STOX2: variants seen among roughly 807,000 people sequenced by gnomAD.
The protein encoded by STOX2 is storkhead box 2.
Under a neutral mutation model 60.9 loss-of-function variants are expected in STOX2, and 28 were observed. The ratio of observed to expected loss-of-function variants is 0.46; its 90% CI spans 0.34 to 0.63. The LOEUF is 0.63. STOX2 is among the 30% of genes least tolerant of loss of function. The probability of loss-of-function intolerance (pLI) is 0.01; values close to 1 mark genes in which losing one functional copy is unlikely to be tolerated. For missense variants in STOX2, 1,024 were observed against 1,187.7 expected (o/e 0.86, Z 2.03); for synonymous variants, 472 against 463.9 (o/e 1.02, Z -0.22).
chr4:183,810,817 A>G (rs1479793795), intron 1 of STOX2, among the ~76,000 whole-genome samples: 2 of 151,634 alleles, frequency 1.3e-5, no homozygotes, highest in Non-Finnish European at 1.5e-5. Flanking sequence ...CCCAGCCTCC[A>G]GAACCATAAG....
chr4:183,833,123 C>T (rs868280889), intron 1 of STOX2, among the ~76,000 whole-genome samples: 30 of 152,364 alleles, frequency 2.0e-4, no homozygotes, highest in Middle Eastern at 3.4e-3. Flanking sequence ...CATTGATACA[C>T]TCAGTTCTTA....
chr4:183,854,256 T>C (rs1417504459), intron 1 of STOX2, among the ~76,000 whole-genome samples: 1 of 152,252 alleles, frequency 6.6e-6, no homozygotes. Flanking sequence ...TCTATTATTC[T>C]TGAGAAGGTA....
intron 1 of STOX2, among the ~76,000 whole-genome samples, chr4:183,826,718 A>C (rs192495434): frequency 2.0e-5 from 3 of 152,302 alleles, no homozygotes; most frequent in African/African-American, 7.2e-5. Context: ...CTTAAGTGGG[A>C]GAATACACAG....
Position 184,001,486 on chromosome 4 carries a change from G to A in STOX2, c.319+9G>A. On this transcript the variant is annotated intron_variant, in intron 2 of 3. Coordinates refer to ENST00000308497, the MANE Select transcript of STOX2 (RefSeq NM_020225.3). This position sits in a 1 kb window ranked among gnomAD's most constrained non-coding sequence, Gnocchi z 4.2. ...GACCACGTGCTTCCCAGGTAACGAG[G>A]CGGGAACGTAGCACTTTCCAGGTGG... The A allele has an allele frequency of 6.2e-7, 1 of 1,613,268 alleles. No homozygotes were observed. The highest frequency in any genetic ancestry group is 1.1e-5 in the South Asian group (1 of 90,998).
rs1022979856 is a variant in STOX2, at chr4:183,883,029, G to A, written c.364+84974G>A. 2.0e-5 allele frequency among the ~76,000 whole-genome samples: 3 copies of A among 151,146 alleles called. No homozygotes were observed. The South Asian group carries it at 6.2e-4, about 31-fold the overall frequency. Reference sequence around the variant, plus strand: ...GTTGCTTTTTTTTTCTTTTTATCACGTACAATTTCTAAAATACACAAAAGT... The same window carrying A: ...GTTGCTTTTTTTTTCTTTTTATCACATACAATTTCTAAAATACACAAAAGT... On this transcript the variant is annotated intron_variant, in intron 1 of 2. Coordinates refer to the STOX2 transcript ENST00000513034.
chr4:183,920,693 T>C (rs1742076413), intron 1 of STOX2, among the ~76,000 whole-genome samples: 1 of 152,198 alleles, frequency 6.6e-6, no homozygotes, highest in South Asian at 2.1e-4. Context: ...ATTTGCTGAG[T>C]GTTTCCCTGC....
rs187971646 is a variant in STOX2, at chr4:183,845,688, G to A, written c.364+47633G>A. On this transcript the variant is annotated intron_variant, in intron 1 of 2. Transcript: ENST00000513034. Reference sequence around the variant, plus strand: ...GGGACCATCCACCATTCAATGCTTTGGGAATGCAATCTCTCATTCTGCTGC... The same window carrying A: ...GGGACCATCCACCATTCAATGCTTTAGGAATGCAATCTCTCATTCTGCTGC... Among the ~76,000 whole-genome samples, 10 of 152,268 alleles carry A rather than the reference G, an allele frequency of 6.6e-5. No homozygotes were observed. The East Asian group carries it at 1.9e-3, about 29-fold the overall frequency.
At chr4:183,839,279 CACAGAG>C (rs1739790440) in intron 1 of STOX2, among the ~76,000 whole-genome samples, 1 of 152,124 alleles carries the variant, frequency 6.6e-6, no homozygotes, top group African/African-American at 2.4e-5. Context: ...CTGAAAGAGT[CACAGAG>C]ACATCTAGAC....
chr4:183,860,199 G>A (rs1404593586), intron 1 of STOX2, among the ~76,000 whole-genome samples: 1 of 151,924 alleles, frequency 6.6e-6, no homozygotes, highest in Non-Finnish European at 1.5e-5. Context: ...AATGATTTAA[G>A]CTTCACAAAT....
Position 184,011,751 on chromosome 4 carries a change from T to A in STOX2, c.2585+328T>A. ...CCCATGCTAAGAGAAGGATGTTTTTTAAGTCCTTCAAAAATAGTAACTTTT... is the reference window on the plus strand; with the variant it reads ...CCCATGCTAAGAGAAGGATGTTTTTAAAGTCCTTCAAAAATAGTAACTTTT... On this transcript the variant is annotated intron_variant, in intron 3 of 3. Coordinates refer to ENST00000308497, the MANE Select transcript of STOX2 (RefSeq NM_020225.3). The surrounding 1 kb of genome is among the most constrained non-coding windows in gnomAD (Gnocchi z 4.4). 1.3e-6 allele frequency: 1 copy of A among 744,728 alleles called. No individual in the cohort carries two copies. Among genetic ancestry groups the A allele is most frequent in the Non-Finnish European group, 1.9e-6 (1 of 529,090 alleles). 46.1% of individuals were successfully genotyped at this position (744,728 alleles called of 1,614,324 possible).
intron 1 of STOX2, among the ~76,000 whole-genome samples, chr4:183,808,550 T>C (rs1738962933): frequency 6.6e-6 from 1 of 152,224 alleles, no homozygotes; most frequent in Non-Finnish European, 1.5e-5. Flanking sequence ...GGAAAGTCTT[T>C]AATCGTTAGT....
intron 1 of STOX2, among the ~76,000 whole-genome samples, chr4:183,890,113 C>G (rs955848078): frequency 1.3e-5 from 2 of 152,138 alleles, no homozygotes; most frequent in African/African-American, 2.4e-5. Flanking sequence ...TACCATTAAG[C>G]TAGCAACTCA....
rs747818978 is a variant in STOX2 at position 183,856,392 on chromosome 4, C to A, written c.364+58337C>A. 6.6e-6 allele frequency among the ~76,000 whole-genome samples: 1 copy of A among 152,178 alleles called. No homozygotes were observed. The highest frequency in any genetic ancestry group is 1.5e-5 in the Non-Finnish European group (1 of 68,034). The stretch of plus-strand genomic sequence containing the variant: ...CACAAACAGTTGCAAAGTGAACACT[C>A]GGATGAGTAGTTTTCAGCATTAAAC... On this transcript the variant is annotated intron_variant, in intron 1 of 2. Coordinates refer to the STOX2 transcript ENST00000513034. The surrounding 1 kb of genome is among the most constrained non-coding windows in gnomAD (Gnocchi z 4.0).
intron 1 of STOX2, among the ~76,000 whole-genome samples, chr4:183,837,328 C>A (rs1032482844): frequency 2.0e-5 from 3 of 152,188 alleles, no homozygotes; most frequent in Non-Finnish European, 4.4e-5. Flanking sequence ...CTCCCATCCC[C>A]TGGCACCCTT....
chr4:183,980,221 G>A (rs1355751167), intron 1 of STOX2, among the ~76,000 whole-genome samples: 1 of 152,186 alleles, frequency 6.6e-6, no homozygotes, highest in African/African-American at 2.4e-5. Flanking sequence ...ATAGGGAGGT[G>A]ATACTGAGGA....
intron 1 of STOX2, among the ~76,000 whole-genome samples, chr4:183,908,362 C>T (rs543084621): frequency 5.3e-5 from 8 of 152,324 alleles, no homozygotes; most frequent in African/African-American, 1.4e-4. Flanking sequence ...AACCTCAAAA[C>T]ACATATGTAC....
intron 1 of STOX2, among the ~76,000 whole-genome samples, chr4:183,968,440 T>A (rs1387749540): frequency 6.6e-6 from 1 of 152,048 alleles, no homozygotes; most frequent in African/African-American, 2.4e-5. Flanking sequence ...ATGAGAAATT[T>A]TCTTTGTTGT....
intron 1 of STOX2, among the ~76,000 whole-genome samples, chr4:183,933,594 G>A (rs1254253428): frequency 1.3e-5 from 2 of 152,106 alleles, no homozygotes; most frequent in Non-Finnish European, 2.9e-5. Flanking sequence ...TCGCCATGTT[G>A]GCCGGGCTGG....
intron 2 of STOX2, among the ~76,000 whole-genome samples, chr4:184,006,386 C>T (rs28609985): frequency 0.036 from 5,406 of 152,036 alleles, 301 homozygotes; most frequent in African/African-American, 0.12. Flanking sequence ...CCTGAGACTG[C>T]GGTGCAGAGG....
Sources: allele counts gnomAD v4.1 joint callset (sites outside exome capture counted in the v4.1 genomes callset), GRCh38; gene constraint gnomAD v4.1.1; non-coding constraint Gnocchi (gnomAD v3.1); transcripts MANE v1.5; gene names NCBI Gene and HGNC (gene_info 2026-07-23, HGNC 2026-07-21).